The following TBCD variants were observed in gnomAD, a reference collection of about 807,000 sequenced individuals.
TBCD encodes tubulin folding cofactor D, also known as tubulin-specific chaperone D.
Under a neutral mutation model 169.3 loss-of-function variants are expected in TBCD, and 105 were observed. The observed-to-expected ratio is 0.62, with a 90% CI of 0.53 to 0.73. TBCD has a LOEUF of 0.73. Among genes scored for constraint, TBCD ranks in the 30% least tolerant of loss-of-function variants. The pLI is 0.00. For synonymous variants in TBCD, 700 were observed against 643.9 expected, an observed-to-expected ratio of 1.09 and a Z score of -1.32; for missense variants, 1,444 against 1,600.1, an observed-to-expected ratio of 0.90 and a Z score of 1.66.
chr17:82,899,473 C>T (rs1172522357), intron 17 of TBCD, among the ~76,000 whole-genome samples: 1 of 151,952 alleles, frequency 6.6e-6, no homozygotes, highest in African/African-American at 2.4e-5. Flanking sequence ...GTGTCCGCAG[C>T]GCGTGTGTCT....
intron 7 of TBCD, among the ~76,000 whole-genome samples, chr17:82,792,398 T>A (rs943294592): frequency 1.3e-5 from 2 of 152,198 alleles, no homozygotes; most frequent in African/African-American, 4.8e-5. Context: ...TATGTATATA[T>A]AAAATCCTTT....
Position 82,832,082 on chromosome 17 carries a change from A to G in TBCD, c.1318+17148A>G, listed in dbSNP as rs1222001192. 4 of 1,614,014 alleles carry G rather than the reference A, an allele frequency of 2.5e-6. No homozygotes were observed. The highest frequency in any genetic ancestry group is 3.4e-6 in the Non-Finnish European group (4 of 1,179,944). ...TGGAGGGCTGGCTTCTGTCCCAGGCACCTGTGGGTTCCCCGGGCTTGCAGC... is the reference window on the plus strand; with the variant it reads ...TGGAGGGCTGGCTTCTGTCCCAGGCGCCTGTGGGTTCCCCGGGCTTGCAGC... On this transcript the variant is annotated intron_variant, in intron 13 of 38. Coordinates refer to ENST00000355528, the MANE Select transcript of TBCD (RefSeq NM_005993.5). The surrounding 1 kb of genome is among the most constrained non-coding windows in gnomAD (Gnocchi z 4.9).
chr17:82,849,957 G>GCTCTT (rs748982998), intron 13 of TBCD, among the ~76,000 whole-genome samples: 3 of 136,866 alleles, frequency 2.2e-5, no homozygotes, highest in African/African-American at 5.4e-5. Context: ...TGTTGCCTGT[G>GCTCTT]CTGCTGTTGG....
chr17:82,941,295 TCCTTTC>T (rs2063218990), intron 37 of TBCD, 98 bp from the exon 38 acceptor site: 2 of 966,954 alleles, frequency 2.1e-6, no homozygotes, highest in Admixed American at 5.1e-5. Flanking sequence ...GGGTGAGGTC[TCCTTTC>T]CCTGACTGCG....
intron 13 of TBCD, among the ~76,000 whole-genome samples, chr17:82,849,631 G>C (rs2055483087): frequency 6.6e-6 from 1 of 152,236 alleles, no homozygotes; most frequent in Non-Finnish European, 1.5e-5. Context: ...CAAGCACACG[G>C]ATAAACTGAG....
At chr17:82,871,889 G>A (rs1037627974) in intron 14 of TBCD, among the ~76,000 whole-genome samples, 5 of 152,062 alleles carry the variant, frequency 3.3e-5, no homozygotes, top group African/African-American at 1.2e-4. Flanking sequence ...GGGTGTAAGC[G>A]CCACTGCCTG....
intron 3 of TBCD, 48 bp from the exon 4 acceptor site, chr17:82,766,219 C>T: frequency 2.0e-6 from 3 of 1,505,486 alleles, no homozygotes; most frequent in Non-Finnish European, 2.7e-6. Flanking sequence ...AATTTTGCTG[C>T]TCTCTGTATT....
intron 3 of TBCD, 95 bp downstream of exon 3, chr17:82,764,157 A>C: frequency 1.0e-6 from 1 of 989,802 alleles, no homozygotes. Flanking sequence ...CAAGAAAGAT[A>C]GTTCTTAGAC....
intron 13 of TBCD, among the ~76,000 whole-genome samples, chr17:82,857,632 A>G (rs2056416961): frequency 6.6e-6 from 1 of 151,938 alleles, no homozygotes; most frequent in Non-Finnish European, 1.5e-5. Context: ...GAGATTCTGT[A>G]TGGAGTAACG....
At chr17:82,909,440 CG>C in intron 22 of TBCD, 133 bp downstream of exon 22, 1 of 588,312 alleles carries the variant, frequency 1.7e-6, no homozygotes. Flanking sequence ...GGGTGTCACC[CG>C]GCCCGCTGTG....
rs1598502511 is a variant in TBCD at position 82,789,806 on chromosome 17, G to T, written c.772-7951G>T. Among the ~76,000 whole-genome samples the T allele has an allele frequency of 6.6e-6, 1 of 152,302 alleles. No homozygotes were observed. The highest frequency in any genetic ancestry group is 2.1e-4 in the South Asian group (1 of 4,822). ...TTCTGTGGACCCGTTGGGTACACGT[G>T]TGACACTTCAGAACCCGCAAGTCCC... On this transcript the variant is annotated intron_variant, in intron 7 of 38. Transcript: ENST00000355528. The surrounding 1 kb of genome is among the most constrained non-coding windows in gnomAD (Gnocchi z 4.8).
chr17:82,835,015 A>G lies in TBCD; in HGVS notation c.1318+20081A>G, dbSNP rs2039129444. On this transcript the variant is annotated intron_variant, in intron 13 of 38. Coordinates refer to ENST00000355528, the MANE Select transcript of TBCD (RefSeq NM_005993.5). This position sits in a 1 kb window ranked among gnomAD's most constrained non-coding sequence, Gnocchi z 4.5. ...GAGATTGAGGCTGCAGGGAGCTGTC[A>G]TCCCACCACCGCACTGCAGCCTGGT... 1.3e-5 allele frequency among the ~76,000 whole-genome samples: 2 copies of G among 152,180 alleles called. No individual in the cohort carries two copies. The highest frequency in any genetic ancestry group is 6.5e-5 in the Admixed American group (1 of 15,286).
intron 10 of TBCD, 128 bp from the exon 11 acceptor site, chr17:82,807,474 CATTAAA>C (rs1209774510): frequency 4.0e-6 from 2 of 494,594 alleles, no homozygotes; most frequent in African/African-American, 4.0e-5. Flanking sequence ...CTTTTCCTGT[CATTAAA>C]ATTAATATTG....
chr17:82,819,746 C>T (rs1193227661), intron 13 of TBCD, among the ~76,000 whole-genome samples: 1 of 152,150 alleles, frequency 6.6e-6, no homozygotes, highest in Non-Finnish European at 1.5e-5. Context: ...TAAAGGGCTA[C>T]TTGGTCTTTA....
intron 14 of TBCD, among the ~76,000 whole-genome samples, chr17:82,882,556 A>G (rs9891193): frequency 0.24 from 35,809 of 152,198 alleles, 4,475 homozygotes; most frequent in East Asian, 0.45. Context: ...AGAGGAGCGC[A>G]GAGAACATGA....
At chr17:82,761,259 C>T (rs35891238) in intron 2 of TBCD, among the ~76,000 whole-genome samples, 3,121 of 152,152 alleles carry the variant, frequency 0.021, 126 homozygotes, top group African/African-American at 0.071. Context: ...CCACCGTGCC[C>T]GGCCAGTTGT....
rs143198342 is a variant in TBCD at position 82,916,597 on chromosome 17, G to A, written c.2039-3959G>A. The stretch of plus-strand genomic sequence containing the variant: ...TTAGTTTGCATTTATTCATTCGTTT[G>A]TGTTTTGGCACTTTAAAGATAATAG... On this transcript the variant is annotated intron_variant, in intron 23 of 38. Coordinates refer to ENST00000355528, the MANE Select transcript of TBCD (RefSeq NM_005993.5). Among the ~76,000 whole-genome samples, 569 of 151,858 alleles carry A rather than the reference G, an allele frequency of 3.7e-3. 3 individuals are homozygous for A. The highest frequency in any genetic ancestry group is 0.013 in the African/African-American group (538 of 41,384).
chr17:82,831,891 A>C lies in TBCD; in HGVS notation c.1318+16957A>C. 6.2e-7 allele frequency: 1 copy of C among 1,614,026 alleles called. No homozygotes were observed. Among genetic ancestry groups the C allele is most frequent in the Non-Finnish European group, 8.5e-7 (1 of 1,179,970 alleles). ...TGGTGTGGAAAGACACGGCCTTGGC[A>C]GTGGGGTTGTGTAAAGCCAGTGTCT... On this transcript the variant is annotated intron_variant, in intron 13 of 38. Coordinates refer to ENST00000355528, the MANE Select transcript of TBCD (RefSeq NM_005993.5). The surrounding 1 kb of genome is among the most constrained non-coding windows in gnomAD (Gnocchi z 4.6).
chr17:82,830,811 C>T (rs1233214588), intron 13 of TBCD: 4 of 1,613,322 alleles, frequency 2.5e-6, no homozygotes, highest in South Asian at 1.1e-5. Flanking sequence ...GACTGGAAGG[C>T]GCGGCCTCCG....
Sources: gnomAD v4.1 joint callset for allele counts (sites outside exome capture counted in the v4.1 genomes callset) on GRCh38, gnomAD v4.1.1 for gene constraint, Gnocchi (gnomAD v3.1) non-coding constraint, MANE v1.5 for transcripts, NCBI Gene and HGNC (gene_info 2026-07-23, HGNC 2026-07-21) for gene names.